The following LARGE1 variants were observed in gnomAD, a reference collection of about 807,000 sequenced individuals.
The protein encoded by LARGE1 is xylosyl- and glucuronyltransferase LARGE1.
Under a neutral mutation model 87.6 loss-of-function variants are expected in LARGE1, and 43 were observed. The ratio of observed to expected loss-of-function variants is 0.49; its 90% CI spans 0.38 to 0.63. The LOEUF (loss-of-function observed/expected upper bound fraction) is 0.63. Ranked by LOEUF, LARGE1 falls within the 30% of genes least tolerant of loss-of-function variation. LARGE1 has a pLI of 0.00. For missense variants in LARGE1, 802 were observed against 1,000.2 expected (o/e 0.80, Z 2.67); for synonymous variants, 434 against 394.6 (o/e 1.10, Z -1.18).
At chr22:33,151,963 G>A in the LARGE1 span, among the ~76,000 whole-genome samples, 2 of 150,888 alleles carry the variant, frequency 1.3e-5, no homozygotes, top group East Asian at 1.9e-4. Flanking sequence ...AAGTTGTGAA[G>A]TGTTCCCTTA....
intron 1 of LARGE1, among the ~76,000 whole-genome samples, chr22:33,827,414 C>A (rs1479775565): frequency 2.6e-5 from 4 of 152,088 alleles, no homozygotes; most frequent in Non-Finnish European, 5.9e-5. Flanking sequence ...ACCCTCCTCG[C>A]CCCTCTGTCC....
At chr22:33,490,821 C>T (rs750217182) in intron 6 of LARGE1, among the ~76,000 whole-genome samples, 34 of 152,354 alleles carry the variant, frequency 2.2e-4, no homozygotes, top group African/African-American at 4.3e-4. Context: ...AGTAGCTCTT[C>T]GCCGGTGACC....
intron 11 of LARGE1, among the ~76,000 whole-genome samples, chr22:33,207,418 T>C (rs540243386): frequency 5.9e-4 from 90 of 152,308 alleles, no homozygotes; most frequent in African/African-American, 2.0e-3. Flanking sequence ...TTCTCTTATG[T>C]GGGAGAACCT....
chr22:33,090,982 G>T, the LARGE1 span, among the ~76,000 whole-genome samples: 1 of 152,140 alleles, frequency 6.6e-6, no homozygotes, highest in Non-Finnish European at 1.5e-5. Flanking sequence ...ACATCTGTCG[G>T]CCTGTCATTG....
At chr22:33,657,995 C>A (rs2081017047) in intron 2 of LARGE1, among the ~76,000 whole-genome samples, 1 of 151,930 alleles carries the variant, frequency 6.6e-6, no homozygotes, top group Non-Finnish European at 1.5e-5. Context: ...ATCCCAGCAA[C>A]AATGGCAGAG....
intron 1 of LARGE1, among the ~76,000 whole-genome samples, chr22:33,897,393 T>G (rs1414049204): frequency 2.0e-5 from 3 of 152,194 alleles, no homozygotes; most frequent in Non-Finnish European, 4.4e-5. Flanking sequence ...CATTATTATT[T>G]CAGGCAGAAT....
At chr22:33,775,631 C>T (rs2085210336) in intron 1 of LARGE1, among the ~76,000 whole-genome samples, 1 of 152,154 alleles carries the variant, frequency 6.6e-6, no homozygotes, top group Non-Finnish European at 1.5e-5. Context: ...GTGGGTGGAT[C>T]ACCTGAGGTC....
At chr22:33,197,369 A>C (rs1198060118) in intron 11 of LARGE1, among the ~76,000 whole-genome samples, 1 of 152,016 alleles carries the variant, frequency 6.6e-6, no homozygotes, top group Non-Finnish European at 1.5e-5. Flanking sequence ...TTTACAGAAA[A>C]TGTGATTGTT....
chr22:33,841,468 C>CA (rs576356940), intron 1 of LARGE1, among the ~76,000 whole-genome samples: 1 of 152,330 alleles, frequency 6.6e-6, no homozygotes, highest in South Asian at 2.1e-4. Flanking sequence ...ACTTCATACT[C>CA]AGATGCCATG....
At chr22:33,852,625 T>C (rs530004842) in intron 1 of LARGE1, among the ~76,000 whole-genome samples, 2 of 152,042 alleles carry the variant, frequency 1.3e-5, no homozygotes, top group South Asian at 2.1e-4. Flanking sequence ...GGCGGGCAGA[T>C]TGCCTGAACT....
intron 14 of LARGE1, among the ~76,000 whole-genome samples, chr22:33,276,007 G>A (rs767277935): frequency 2.6e-5 from 4 of 152,164 alleles, no homozygotes; most frequent in Non-Finnish European, 5.9e-5. Flanking sequence ...CTACATCAGT[G>A]TTCTCAACCC....
At chr22:33,827,626 C>T (rs2062838735) in intron 1 of LARGE1, among the ~76,000 whole-genome samples, 1 of 152,184 alleles carries the variant, frequency 6.6e-6, no homozygotes, top group African/African-American at 2.4e-5. Flanking sequence ...ATGCGGGAGC[C>T]ACAGAGGGCG....
At chr22:33,831,428 C>T (rs966480160) in intron 1 of LARGE1, among the ~76,000 whole-genome samples, 2 of 152,148 alleles carry the variant, frequency 1.3e-5, no homozygotes, top group East Asian at 3.9e-4. Context: ...GCCTGGAGAG[C>T]TGGAAGATGT....
At chr22:33,865,036 C>T (rs1045103721) in intron 1 of LARGE1, among the ~76,000 whole-genome samples, 5 of 152,206 alleles carry the variant, frequency 3.3e-5, no homozygotes, top group Non-Finnish European at 7.3e-5. Flanking sequence ...CCCAGCCCAG[C>T]AGACAGAACA....
chr22:33,198,170 T>G (rs1170769993), intron 11 of LARGE1, among the ~76,000 whole-genome samples: 1 of 152,066 alleles, frequency 6.6e-6, no homozygotes, highest in Non-Finnish European at 1.5e-5. Flanking sequence ...AGAAAGACAT[T>G]GATTAGGAAA....
rs367972451 is a variant in LARGE1, at chr22:33,418,940, C to CA, written c.892+13220_892+13221insT. The stretch of plus-strand genomic sequence containing the variant: ...TCCAGAGGGCATGGAGGGAAGAAAG[C>CA]GAGGGCACTTGGGGTCTGAACACCT... On this transcript the variant is annotated intron_variant, in intron 7 of 14. Transcript: ENST00000397394. 4.3e-4 allele frequency among the ~76,000 whole-genome samples: 66 copies of CA among 152,168 alleles called. No homozygotes were observed. In the East Asian group the frequency reaches 0.012, roughly 27 times the overall value.
At chr22:33,636,783 C>T (rs532858023) in intron 3 of LARGE1, among the ~76,000 whole-genome samples, 21 of 152,136 alleles carry the variant, frequency 1.4e-4, no homozygotes, top group East Asian at 7.8e-4. Context: ...CCTTCCACTT[C>T]GGCCTCCTAA....
chr22:33,248,788 T>C (rs760666913), intron 11 of LARGE1, among the ~76,000 whole-genome samples: 12 of 152,236 alleles, frequency 7.9e-5, no homozygotes, highest in Non-Finnish European at 1.8e-4. Flanking sequence ...GAATGCCATA[T>C]AGTTGGAATC....
downstream of LARGE1, among the ~76,000 whole-genome samples, chr22:33,161,197 C>CA (rs1198468825): frequency 6.6e-6 from 1 of 152,136 alleles, no homozygotes; most frequent in African/African-American, 2.4e-5. Context: ...ATGAGAACAG[C>CA]ATGGGGGTAA....
Sources: allele counts gnomAD v4.1 joint callset (sites outside exome capture counted in the v4.1 genomes callset), GRCh38; gene constraint gnomAD v4.1.1; transcripts MANE v1.5; gene names NCBI Gene and HGNC (gene_info 2026-07-23, HGNC 2026-07-21).